Variants in NWD2 observed in about 807,000 individuals in gnomAD.
NWD2 encodes the protein NACHT and WD repeat domain-containing protein 2.
Under a neutral mutation model 132.7 loss-of-function variants are expected in NWD2, and 37 were observed. The observed-to-expected ratio is 0.28, with a 90% CI of 0.21 to 0.37. NWD2 has a LOEUF of 0.37. Ranked by LOEUF, NWD2 falls within the 10% of genes least tolerant of loss-of-function variation. The probability of loss-of-function intolerance (pLI) is 1.00; values close to 1 mark genes in which losing one functional copy is unlikely to be tolerated. For synonymous variants in NWD2, 705 were observed against 803.0 expected (o/e 0.88, Z 2.06); for missense variants, 1,592 against 2,122.4 (o/e 0.75, Z 4.91).
intron 1 of NWD2, among the ~76,000 whole-genome samples, chr4:37,307,967 T>A (rs1480792509): frequency 6.6e-6 from 1 of 152,178 alleles, no homozygotes; most frequent in East Asian, 1.9e-4. Flanking sequence ...TTTTGTGATA[T>A]CTATGTATTA....
At chr4:37,377,823 GTA>G (rs1307313629) in intron 3 of NWD2, among the ~76,000 whole-genome samples, 1 of 152,030 alleles carries the variant, frequency 6.6e-6, no homozygotes. Context: ...TAACTTAAAA[GTA>G]TATGTTTAAT....
At chr4:37,276,619 T>G (rs1718018581) in intron 1 of NWD2, among the ~76,000 whole-genome samples, 1 of 152,070 alleles carries the variant, frequency 6.6e-6, no homozygotes, top group South Asian at 2.1e-4. Context: ...TATAAAGGAT[T>G]ATAAATCCTT....
At chr4:37,299,150 G>T (rs1424263910) in intron 1 of NWD2, among the ~76,000 whole-genome samples, 2 of 152,094 alleles carry the variant, frequency 1.3e-5, no homozygotes, top group Non-Finnish European at 2.9e-5. Flanking sequence ...ACTGCAGCTA[G>T]TTCAAAGCAA....
At chr4:37,252,736 G>C (rs1051212841) in intron 1 of NWD2, among the ~76,000 whole-genome samples, 7 of 152,188 alleles carry the variant, frequency 4.6e-5, no homozygotes, top group Middle Eastern at 3.4e-3. Context: ...CCAGCTTTTC[G>C]CTCATCTTTC....
At chr4:37,415,183 G>T (rs1229846997) in intron 3 of NWD2, among the ~76,000 whole-genome samples, 1 of 152,200 alleles carries the variant, frequency 6.6e-6, no homozygotes, top group Admixed American at 6.5e-5. Flanking sequence ...AAGAACGCAT[G>T]TATGGGAGAA....
intron 3 of NWD2, among the ~76,000 whole-genome samples, chr4:37,417,234 CTA>C (rs1711646143): frequency 6.6e-6 from 1 of 151,972 alleles, no homozygotes; most frequent in East Asian, 1.9e-4. Flanking sequence ...TTGGGAGAAT[CTA>C]AATATTCATC....
intron 1 of NWD2, among the ~76,000 whole-genome samples, chr4:37,321,705 A>G (rs1719073529): frequency 6.6e-6 from 1 of 152,198 alleles, no homozygotes; most frequent in Non-Finnish European, 1.5e-5. Flanking sequence ...TTTTTTATTT[A>G]ATTAAGCCAG....
intron 2 of NWD2, among the ~76,000 whole-genome samples, chr4:37,326,270 T>C (rs552055171): frequency 6.6e-6 from 1 of 152,164 alleles, no homozygotes; most frequent in Non-Finnish European, 1.5e-5. Context: ...CTTTGAACCA[T>C]ATTTATTTGC....
At chr4:37,351,662 TTGTCTC>T (rs1719766982) in intron 2 of NWD2, among the ~76,000 whole-genome samples, 1 of 152,066 alleles carries the variant, frequency 6.6e-6, no homozygotes, top group Non-Finnish European at 1.5e-5. Context: ...AGAGTTTTTC[TTGTCTC>T]TATCTCCTTC....
intron 3 of NWD2, among the ~76,000 whole-genome samples, chr4:37,374,787 A>G (rs922053948): frequency 2.6e-5 from 4 of 152,264 alleles, no homozygotes; most frequent in African/African-American, 9.6e-5. Flanking sequence ...AATACTTAGC[A>G]CTGACTGCAT....
chr4:37,384,997 G>C (rs1384308005), intron 3 of NWD2, among the ~76,000 whole-genome samples: 6 of 152,112 alleles, frequency 3.9e-5, no homozygotes, highest in Admixed American at 3.9e-4. Context: ...ATTACACAAT[G>C]TATATATGTA....
intron 1 of NWD2, among the ~76,000 whole-genome samples, chr4:37,289,341 A>G (rs1250637546): frequency 6.6e-6 from 1 of 152,214 alleles, no homozygotes; most frequent in Admixed American, 6.5e-5. Context: ...GCTTTTGGAT[A>G]CTAATGTGCC....
At chr4:37,254,624 T>C (rs1254292129) in intron 1 of NWD2, among the ~76,000 whole-genome samples, 1 of 152,252 alleles carries the variant, frequency 6.6e-6, no homozygotes, top group African/African-American at 2.4e-5. Context: ...TTCAAAGCTT[T>C]AGCTTCCATT....
chr4:37,396,649 G>A (rs1406637899), intron 3 of NWD2, among the ~76,000 whole-genome samples: 3 of 152,172 alleles, frequency 2.0e-5, no homozygotes, highest in Non-Finnish European at 4.4e-5. Flanking sequence ...ACAGGTCTCA[G>A]TCAGGGAGTC....
At chr4:37,395,972 G>A (rs2109313609) in intron 3 of NWD2, among the ~76,000 whole-genome samples, 1 of 151,866 alleles carries the variant, frequency 6.6e-6, no homozygotes, top group Admixed American at 6.6e-5. Flanking sequence ...TTCCCCAGTG[G>A]GAAGGAATTC....
At chr4:37,251,397 A>G (rs114537406) in intron 1 of NWD2, among the ~76,000 whole-genome samples, 1,869 of 152,334 alleles carry the variant, frequency 0.012, 47 homozygotes, top group African/African-American at 0.042. Context: ...GTAGTAAAAT[A>G]CAAACTACCC....
intron 3 of NWD2, among the ~76,000 whole-genome samples, chr4:37,374,027 T>C (rs1322362734): frequency 1.3e-5 from 2 of 152,060 alleles, no homozygotes; most frequent in East Asian, 3.9e-4. Flanking sequence ...GGTGATATAG[T>C]TTGGATGTTT....
At chr4:37,379,901 G>T (rs927459953) in intron 3 of NWD2, among the ~76,000 whole-genome samples, 10 of 152,098 alleles carry the variant, frequency 6.6e-5, no homozygotes, top group African/African-American at 2.4e-4. Context: ...TTTACCCCGT[G>T]TTATCTTTCA....
chr4:37,407,744 C>T (rs1721074379), intron 3 of NWD2, among the ~76,000 whole-genome samples: 1 of 152,176 alleles, frequency 6.6e-6, no homozygotes, highest in African/African-American at 2.4e-5. Context: ...GATAGGGCAA[C>T]ATGGTGGAAT....
Sources: gnomAD v4.1 joint callset for allele counts (sites outside exome capture counted in the v4.1 genomes callset) on GRCh38, gnomAD v4.1.1 for gene constraint, MANE v1.5 for transcripts, NCBI Gene and HGNC (gene_info 2026-07-23, HGNC 2026-07-21) for gene names.